The following CDH13 variants were observed in gnomAD, a reference collection of about 807,000 sequenced individuals.
The protein encoded by CDH13 is cadherin 13, also known as cadherin-13.
CDH13 carries 24 observed loss-of-function variants against 63.8 expected under a neutral mutation model. That is an observed-to-expected ratio of 0.38 (90% CI 0.27 to 0.53). The LOEUF (loss-of-function observed/expected upper bound fraction) is 0.53. Ranked by LOEUF, CDH13 falls within the 20% of genes least tolerant of loss-of-function variation. The pLI, the probability that CDH13 is intolerant of heterozygous loss-of-function variation, is 0.85. For synonymous variants in CDH13, 503 were observed against 355.3 expected (o/e 1.42, Z -4.67); for missense variants, 1,049 against 903.1 (o/e 1.16, Z -2.07).
intron 3 of CDH13, among the ~76,000 whole-genome samples, chr16:83,043,494 T>A (rs1342857457): frequency 2.7e-5 from 2 of 73,378 alleles, no homozygotes; most frequent in African/African-American, 1.1e-4. Context: ...TATATGAGTG[T>A]GTGTGTGTGT....
intron 2 of CDH13, among the ~76,000 whole-genome samples, chr16:82,874,978 C>A (rs1056800943): frequency 2.0e-5 from 3 of 152,162 alleles, no homozygotes; most frequent in Non-Finnish European, 4.4e-5. Context: ...ACATGGAGGC[C>A]ATGGGCTAGG....
At chr16:83,367,594 C>A (rs1342775174) in intron 6 of CDH13, among the ~76,000 whole-genome samples, 1 of 152,172 alleles carries the variant, frequency 6.6e-6, no homozygotes, top group Non-Finnish European at 1.5e-5. Context: ...GCAGCTGTTC[C>A]ATTTTACATT....
chr16:83,424,152 C>A (rs2071811310), intron 6 of CDH13, among the ~76,000 whole-genome samples: 1 of 152,062 alleles, frequency 6.6e-6, no homozygotes, highest in South Asian at 2.1e-4. Flanking sequence ...CCAACATGGA[C>A]TGAAAAGTCT....
intron 4 of CDH13, among the ~76,000 whole-genome samples, chr16:83,136,486 C>CAAA (rs542700844): frequency 2.8e-4 from 17 of 61,506 alleles, no homozygotes; most frequent in African/African-American, 7.7e-4. Context: ...ACTCTGTCTC[C>CAAA]AAAAAAAAAA....
intron 8 of CDH13, among the ~76,000 whole-genome samples, chr16:83,614,675 G>A (rs548838249): frequency 6.6e-6 from 1 of 152,176 alleles, no homozygotes; most frequent in East Asian, 1.9e-4. Context: ...TTGAGGGTTG[G>A]TCAGGAAGAA....
At chr16:83,372,508 C>G (rs927109932) in intron 6 of CDH13, among the ~76,000 whole-genome samples, 5 of 152,020 alleles carry the variant, frequency 3.3e-5, no homozygotes, top group Non-Finnish European at 5.9e-5. Context: ...TATCCTAGCA[C>G]TTTGGGAAGC....
intron 6 of CDH13, among the ~76,000 whole-genome samples, chr16:83,364,262 C>T (rs2151389125): frequency 6.6e-6 from 1 of 152,204 alleles, no homozygotes; most frequent in African/African-American, 2.4e-5. Flanking sequence ...TGTGGATCTA[C>T]CCAGAACTGT....
chr16:83,294,383 A>G (rs1420602339), intron 5 of CDH13, among the ~76,000 whole-genome samples: 1 of 152,022 alleles, frequency 6.6e-6, no homozygotes, highest in Non-Finnish European at 1.5e-5. Context: ...ACATCTCCCT[A>G]ACAACTCCCA....
chr16:83,352,619 G>A (rs918027713), intron 6 of CDH13, among the ~76,000 whole-genome samples: 2 of 152,176 alleles, frequency 1.3e-5, no homozygotes, highest in African/African-American at 4.8e-5. Context: ...AGCCGGGTGC[G>A]GTGGCTCACG....
At chr16:83,521,849 G>A (rs577400121) in intron 7 of CDH13, among the ~76,000 whole-genome samples, 1 of 152,142 alleles carries the variant, frequency 6.6e-6, no homozygotes, top group Non-Finnish European at 1.5e-5. Context: ...CTAACCTCTT[G>A]CATTTTCAAT....
intron 5 of CDH13, among the ~76,000 whole-genome samples, chr16:83,246,230 A>G (rs1904977699): frequency 6.6e-6 from 1 of 152,250 alleles, no homozygotes; most frequent in Non-Finnish European, 1.5e-5. Context: ...AACTTTTCCA[A>G]GAGGGAGCTT....
chr16:83,251,763 C>G (rs577971929), intron 5 of CDH13, among the ~76,000 whole-genome samples: 3 of 152,294 alleles, frequency 2.0e-5, no homozygotes, highest in African/African-American at 7.2e-5. Context: ...AGTCTGATGG[C>G]AGGCAGGGGC....
At chr16:82,628,989 G>A (rs1308477731) in intron 1 of CDH13, among the ~76,000 whole-genome samples, 1 of 152,252 alleles carries the variant, frequency 6.6e-6, no homozygotes, top group Non-Finnish European at 1.5e-5. Context: ...CAGTCTGGGA[G>A]CTGTCGGTGT....
chr16:83,299,571 G>A (rs945757381), intron 5 of CDH13, among the ~76,000 whole-genome samples: 2 of 152,154 alleles, frequency 1.3e-5, no homozygotes, highest in Non-Finnish European at 2.9e-5. Context: ...CCACATAAGT[G>A]TATTGAGTAC....
At chr16:83,626,218 C>G (rs554833231) in intron 8 of CDH13, among the ~76,000 whole-genome samples, 1 of 152,082 alleles carries the variant, frequency 6.6e-6, no homozygotes, top group Admixed American at 6.5e-5. Flanking sequence ...CCGCGTGTGC[C>G]GGTTTCATCT....
intron 2 of CDH13, among the ~76,000 whole-genome samples, chr16:83,028,484 A>G (rs952520943): frequency 5.3e-5 from 8 of 152,290 alleles, no homozygotes; most frequent in African/African-American, 1.9e-4. Flanking sequence ...GGGCAGGAAC[A>G]TGAAAACAGG....
intron 10 of CDH13, among the ~76,000 whole-genome samples, chr16:83,741,892 G>T (rs404165): frequency 3.3e-5 from 5 of 151,924 alleles, no homozygotes; most frequent in African/African-American, 1.2e-4. Context: ...AAGGGATCTA[G>T]GCGGCACACT....
intron 3 of CDH13, among the ~76,000 whole-genome samples, chr16:83,104,721 G>C (rs1006399405): frequency 1.3e-5 from 2 of 152,282 alleles, no homozygotes; most frequent in South Asian, 2.1e-4. Flanking sequence ...AGATATTTAA[G>C]AATTGGTTGA....
rs539845029 is a variant in CDH13, at chr16:82,753,833, C to T, written c.46-104529C>T. Among the ~76,000 whole-genome samples, 4 of 152,286 alleles carry T rather than the reference C, an allele frequency of 2.6e-5. No homozygotes were observed. In the South Asian group the frequency reaches 8.3e-4, roughly 32 times the overall value. The stretch of plus-strand genomic sequence containing the variant: ...GTCCAAACATCAAGAGAGAAGTGGC[C>T]TTGGTCCAGTCCTGGGCACCCCATC... On this transcript the variant is annotated intron_variant, in intron 1 of 13. Transcript: ENST00000567109.
Sources: allele counts gnomAD v4.1 joint callset (sites outside exome capture counted in the v4.1 genomes callset), GRCh38; gene constraint gnomAD v4.1.1; transcripts MANE v1.5; gene names NCBI Gene and HGNC (gene_info 2026-07-23, HGNC 2026-07-21).